The following ROBO3 variants were observed in gnomAD, a reference collection of about 807,000 sequenced individuals.
The protein encoded by ROBO3 is roundabout guidance receptor 3.
ROBO3 carries 97 observed loss-of-function variants against 160.5 expected under a neutral mutation model. The ratio of observed to expected loss-of-function variants is 0.60; its 90% confidence interval spans 0.51 to 0.72. The LOEUF is 0.72. Ranked by LOEUF, ROBO3 falls within the 30% of genes least tolerant of loss-of-function variation. The pLI, the probability that ROBO3 is intolerant of heterozygous loss-of-function variation, is 0.00. For synonymous variants in ROBO3, 780 were observed against 746.2 expected (o/e 1.05, Z -0.74); for missense variants, 1,858 against 1,846.5 (o/e 1.01, Z -0.11).
Position 124,876,838 on chromosome 11 carries a change from CTG to C in ROBO3, c.2780-322_2780-321del. Reference sequence around the variant, plus strand: ...CAGGCAGTAAATTGTGCGGCGGGGTCTGGATGGAAAGGCGGGGCCCGCTGAAA... The same window carrying C: ...CAGGCAGTAAATTGTGCGGCGGGGTCGATGGAAAGGCGGGGCCCGCTGAAA... On this transcript the variant is annotated intron_variant, in intron 17 of 27. Transcript: ENST00000397801. The surrounding 1 kb of genome is among the most constrained non-coding windows in gnomAD (Gnocchi z 5.3). 1 of 546,516 alleles carries C rather than the reference CTG, an allele frequency of 1.8e-6. No homozygotes were observed. Among genetic ancestry groups the C allele is most frequent in the Non-Finnish European group, 3.3e-6 (1 of 307,392 alleles). The allele number at this position is 546,516 out of a possible 1,614,324, so 33.9% of individuals were successfully genotyped here. A position where few individuals can be genotyped will look rare whatever the true frequency, so the allele number is the denominator to read the frequency against.
At chr11:124,870,804 G>A (rs1237540045) in intron 6 of ROBO3, 76 bp downstream of exon 6, 22 of 1,572,118 alleles carry the variant, frequency 1.4e-5, no homozygotes, top group Admixed American at 1.9e-5. Flanking sequence ...AAGAGACTGA[G>A]GGAGAAAGGG....
chr11:124,879,142 T>C, intron 23 of ROBO3, 48 bp from the exon 24 acceptor site: 1 of 1,534,778 alleles, frequency 6.5e-7, no homozygotes, highest in South Asian at 1.2e-5. Flanking sequence ...ATAGTAGGCA[T>C]TCAGTTTTTG....
chr11:124,880,529 G>A lies in ROBO3; in HGVS notation c.4070G>A (p.Gly1357Asp), dbSNP rs943627396. 1.3e-6 allele frequency: 2 copies of A among 1,569,442 alleles called. No homozygotes were observed. The highest frequency in any genetic ancestry group is 8.6e-7 in the Non-Finnish European group (1 of 1,157,394). ...NSSRGSSSSR[G>D]SRGPGRSRSR... ...TCCAGGGGCTCCAGCAGCTCTAGGG[G>A]CTCCCGGGGCCCTGGCCGGAGCCGG... Residue 1357 changes from glycine to aspartate, a missense_variant, in exon 27 of 28, where the codon GGC becomes GAC. Gly to Asp is a moderately conservative substitution (Grantham distance 94, BLOSUM62 -1). Coordinates refer to ENST00000397801, the MANE Select transcript of ROBO3 (RefSeq NM_022370.4).
Position 124,878,868 on chromosome 11 carries a change from GTGGA to G in ROBO3, c.3533+84_3533+87del. Reference sequence around the variant, plus strand: ...ATCTACTCAGTAGATGACTGGGTGGGTGGATGGATGGATGGGTGGATGGATCTGG... The same window carrying G: ...ATCTACTCAGTAGATGACTGGGTGGGTGGATGGATGGGTGGATGGATCTGG... On this transcript the variant is annotated intron_variant, in intron 23 of 27. Coordinates refer to ENST00000397801, the MANE Select transcript of ROBO3 (RefSeq NM_022370.4). This position sits in a 1 kb window ranked among gnomAD's most constrained non-coding sequence, Gnocchi z 4.3. The G allele has an allele frequency of 1.7e-5, 21 of 1,266,534 alleles. No homozygotes were observed. Among genetic ancestry groups the G allele is most frequent in the Non-Finnish European group, 1.8e-5 (16 of 895,956 alleles). The allele number at this position is 1,266,534 out of a possible 1,614,324, so 78.5% of individuals were successfully genotyped here. A position where few individuals can be genotyped will look rare whatever the true frequency, so the allele number is the denominator to read the frequency against.
chr11:124,875,926 C>T (rs1030304885), intron 15 of ROBO3, 28 bp from the exon 16 acceptor site: 1 of 1,579,692 alleles, frequency 6.3e-7, no homozygotes, highest in Non-Finnish European at 8.6e-7. Context: ...CCATTTCTGA[C>T]TCTAAATCCG....
rs1946424408 is a variant in ROBO3 at position 124,877,627 on chromosome 11, C to G, written c.2955C>G (p.Ser985Arg). The G allele has an allele frequency of 1.9e-6, 3 of 1,610,588 alleles. No homozygotes were observed. In the South Asian group the frequency reaches 3.3e-5, roughly 18 times the overall value. Residue 985 changes from serine (S) to arginine (R), a missense_variant, in exon 20 of 28, where the codon AGC becomes AGG. Transcript: ENST00000397801. ...AQEPRGSCCP[S>R]NPDPDDRYYN... ...AACCCAGGGGAAGCTGCTGCCCTAG[C>G]AATCCTGACCCGGACGACAGATATT...
chr11:124,870,513 A>G, intron 5 of ROBO3, 88 bp from the exon 6 acceptor site: 1 of 1,585,826 alleles, frequency 6.3e-7, no homozygotes, highest in Non-Finnish European at 8.6e-7. Flanking sequence ...GCCTGTCTTT[A>G]AGTACCTTGA....
Position 124,878,235 on chromosome 11 carries a change from A to T in ROBO3, c.3182-63A>T. ...GCACCTAGCCCGGCACTTCCTTCTGACCTGTCTCATCTCTGGCTCTTTCCT... is the reference window on the plus strand; with the variant it reads ...GCACCTAGCCCGGCACTTCCTTCTGTCCTGTCTCATCTCTGGCTCTTTCCT... On this transcript the variant is annotated intron_variant, in intron 21 of 27. Coordinates refer to ENST00000397801, the MANE Select transcript of ROBO3 (RefSeq NM_022370.4). This position sits in a 1 kb window ranked among gnomAD's most constrained non-coding sequence, Gnocchi z 4.3. 2 of 1,593,422 alleles carry T rather than the reference A, an allele frequency of 1.3e-6. No homozygotes were observed. The highest frequency in any genetic ancestry group is 1.7e-6 in the Non-Finnish European group (2 of 1,167,918).
In ROBO3 at chr11:124,876,340, G is replaced by A. The variant is rs1432958609; in HGVS notation, c.2659G>A (p.Val887Met). The A allele has an allele frequency of 1.4e-6, 2 of 1,437,844 alleles. No individual in the cohort carries two copies. The highest frequency in any genetic ancestry group is 1.5e-5 in the South Asian group (1 of 67,720). The allele number at this position is 1,437,844 out of a possible 1,614,324, so 89.1% of individuals were successfully genotyped here. A position where few individuals can be genotyped will look rare whatever the true frequency, so the allele number is the denominator to read the frequency against. Reference protein sequence around the residue: ...GAGLAVRLARVLREPAFLAGS... With the variant: ...GAGLAVRLARMLREPAFLAGS... ...GGGGCTGGCGGTGCGGCTGGCGAGG[G>A]TGCTGCGGGAGCCCGCCTTCCTCGC... The change falls in exon 17 of 28, where the codon GTG (valine) becomes ATG (methionine). Residue 887 changes from valine to methionine, a missense_variant. By Grantham distance (21) the Val-to-Met change is conservative. Transcript: ENST00000397801. The surrounding 1 kb of genome is among the most constrained non-coding windows in gnomAD (Gnocchi z 5.3).
chr11:124,872,569 A>G lies in ROBO3; in HGVS notation c.1330+17A>G, dbSNP rs1398610600. The G allele has an allele frequency of 6.2e-7, 1 of 1,605,386 alleles. No individual in the cohort carries two copies. Among genetic ancestry groups the G allele is most frequent in the Non-Finnish European group, 8.5e-7 (1 of 1,173,314 alleles). Reference sequence around the variant, plus strand: ...TAAAAGGAGGTACGTGCCCATGGAGATAGGACTGGATCCATGGCTTGGGAG... The same window carrying G: ...TAAAAGGAGGTACGTGCCCATGGAGGTAGGACTGGATCCATGGCTTGGGAG... On this transcript the variant is annotated intron_variant, in intron 8 of 27. Transcript: ENST00000397801. The surrounding 1 kb of genome is among the most constrained non-coding windows in gnomAD (Gnocchi z 4.3).
intron 1 of ROBO3, among the ~76,000 whole-genome samples, chr11:124,866,159 C>A (rs899244636): frequency 6.6e-6 from 1 of 152,312 alleles, no homozygotes; most frequent in Non-Finnish European, 1.5e-5. Context: ...CTTCGGAACC[C>A]CGAAGTTTCC....
intron 1 of ROBO3, among the ~76,000 whole-genome samples, chr11:124,867,184 T>C (rs1036793311): frequency 1.3e-5 from 2 of 152,062 alleles, no homozygotes; most frequent in African/African-American, 4.8e-5. Context: ...AAAAAGAATA[T>C]TGGGGCCTGG....
At position 124,865,464 on chromosome 11, in the gene ROBO3, G is replaced by A. The variant is rs981095927; in HGVS notation, c.-114G>A. The A allele has an allele frequency of 3.7e-6, 4 of 1,091,068 alleles. No homozygotes were observed. Among genetic ancestry groups the A allele is most frequent in the African/African-American group, 1.6e-5 (1 of 63,384 alleles). The allele number at this position is 1,091,068 out of a possible 1,614,324, so 67.6% of individuals were successfully genotyped here. ...GGCGCACCGGCAGGAGAGCGGCACC[G>A]TGGCTGCCGCAGCGCGCAGAGGCTG... On this transcript the variant is annotated 5_prime_UTR_variant, in exon 1 of 28. In the 5' UTR this introduces an upstream ATG that the reference lacks. Coordinates refer to ENST00000397801, the MANE Select transcript of ROBO3 (RefSeq NM_022370.4). The surrounding 1 kb of genome is among the most constrained non-coding windows in gnomAD (Gnocchi z 5.5).
At position 124,877,617 on chromosome 11, in the gene ROBO3, G is replaced by A; in HGVS notation, c.2945G>A (p.Cys982Tyr). 1.2e-6 allele frequency: 2 copies of A among 1,610,286 alleles called. No homozygotes were observed. The highest frequency in any genetic ancestry group is 2.2e-5 in the South Asian group (2 of 90,000). ...SPSAQEPRGSCCPSNPDPDDR... is the reference protein window; with the variant it reads ...SPSAQEPRGSYCPSNPDPDDR... The stretch of plus-strand genomic sequence containing the variant: ...TCGGCCCAGGAACCCAGGGGAAGCT[G>A]CTGCCCTAGCAATCCTGACCCGGAC... The change falls in exon 20 of 28, where the codon TGC (cysteine) becomes TAC (tyrosine). Residue 982 changes from cysteine (C) to tyrosine (Y), a missense_variant. By Grantham distance (194) the Cys-to-Tyr change is radical. Transcript: ENST00000397801.
rs1160780987 is a variant in ROBO3, at chr11:124,872,821, C to A, written c.1331-63C>A. 2 of 1,374,834 alleles carry A rather than the reference C, an allele frequency of 1.5e-6. No individual in the cohort carries two copies. 85.2% of individuals were successfully genotyped at this position (1,374,834 alleles called of 1,614,324 possible). On this transcript the variant is annotated intron_variant, in intron 8 of 27. Transcript: ENST00000397801. This position sits in a 1 kb window ranked among gnomAD's most constrained non-coding sequence, Gnocchi z 4.3. ...AGGGTGAAGGAGCAGAGAATGAGGACAAGGGGCTGCCCGCGGGGCCCTAAG... is the reference window on the plus strand; with the variant it reads ...AGGGTGAAGGAGCAGAGAATGAGGAAAAGGGGCTGCCCGCGGGGCCCTAAG...
Position 124,865,717 on chromosome 11 carries a change from C to T in ROBO3, c.140C>T (p.Pro47Leu). The change falls in exon 1 of 28, where the codon CCC (proline) becomes CTC (leucine). Residue 47 changes from proline to leucine, a missense_variant. By Grantham distance (98) the Pro-to-Leu change is moderately conservative. Coordinates refer to ENST00000397801, the MANE Select transcript of ROBO3 (RefSeq NM_022370.4). The surrounding 1 kb of genome is among the most constrained non-coding windows in gnomAD (Gnocchi z 5.5). The stretch of plus-strand genomic sequence containing the variant: ...GCGCTCAACCACACCCTGCTGCCTC[C>T]CGGCGATCCCTCTCTCAACGGTGAG... ...LAALNHTLLPPGDPSLNGSRV... is the reference protein window; with the variant it reads ...LAALNHTLLPLGDPSLNGSRV... The T allele has an allele frequency of 6.2e-7, 1 of 1,609,690 alleles. No homozygotes were observed. Among genetic ancestry groups the T allele is most frequent in the Non-Finnish European group, 8.5e-7 (1 of 1,178,634 alleles).
rs571228422 is a variant in ROBO3 at position 124,874,211 on chromosome 11, C to T, written c.1926C>T (p.Pro642=). 12 of 1,613,738 alleles carry T rather than the reference C, an allele frequency of 7.4e-6. No homozygotes were observed. The highest frequency in any genetic ancestry group is 1.3e-5 in the African/African-American group (1 of 74,902). ...VGAWGLSEPS[P]VSEPVRTQDS... ...CCTGGGGCCTCAGTGAGCCCAGCCC[C>T]GTCTCTGAGCCTGTCCGTACACAGG... The change falls in exon 12 of 28, where the codon CCC becomes CCT. Residue 642 remains proline (P), a synonymous_variant. Coordinates refer to ENST00000397801, the MANE Select transcript of ROBO3 (RefSeq NM_022370.4).
rs1436716938 is a variant in ROBO3, at chr11:124,878,085, T to C, written c.3135T>C (p.Gly1045=). The part of the protein sequence containing the change: ...GFPQHPSGDL[G]PWSQYAPPEW... Reference sequence around the variant, plus strand: ...CCCAACATCCCTCAGGAGATCTGGGTCCCTGGAGCCAGTACGCTCCTCCAG... The same window carrying C: ...CCCAACATCCCTCAGGAGATCTGGGCCCCTGGAGCCAGTACGCTCCTCCAG... The change falls in exon 21 of 28, where the codon GGT becomes GGC. Residue 1045 remains glycine, a synonymous_variant. Transcript: ENST00000397801. This position sits in a 1 kb window ranked among gnomAD's most constrained non-coding sequence, Gnocchi z 4.3. The C allele has an allele frequency of 6.2e-7, 1 of 1,612,158 alleles. No homozygotes were observed. Among genetic ancestry groups the C allele is most frequent in the South Asian group, 1.1e-5 (1 of 90,808 alleles).
At chr11:124,866,404 G>C (rs938785607) in intron 1 of ROBO3, among the ~76,000 whole-genome samples, 5 of 152,176 alleles carry the variant, frequency 3.3e-5, no homozygotes, top group African/African-American at 1.2e-4. Flanking sequence ...CTAGCGCCGC[G>C]GGGAAGCTGC....
Sources: allele counts gnomAD v4.1 joint callset (sites outside exome capture counted in the v4.1 genomes callset), GRCh38; gene constraint gnomAD v4.1.1; non-coding constraint Gnocchi (gnomAD v3.1); transcripts MANE v1.5; gene names NCBI Gene and HGNC (gene_info 2026-07-23, HGNC 2026-07-21).